The following MDFIC2 variants were observed in gnomAD, a reference collection of about 807,000 sequenced individuals.
The protein encoded by MDFIC2 is myoD family inhibitor domain-containing protein 2.
chr3:70,257,940 A>G (rs1230634995), intron 2 of MDFIC2, among the ~76,000 whole-genome samples: 3 of 152,230 alleles, frequency 2.0e-5, no homozygotes, highest in African/African-American at 7.2e-5. Flanking sequence ...ATATACATCA[A>G]TAAGACTCAA....
At chr3:70,267,466 G>T (rs1304435304) in intron 2 of MDFIC2, among the ~76,000 whole-genome samples, 2 of 127,482 alleles carry the variant, frequency 1.6e-5, no homozygotes, top group Non-Finnish European at 3.1e-5. Context: ...GCAGTGGCGC[G>T]ATCTCCGCTC....
At chr3:70,311,861 G>T in intron 2 of MDFIC2, 25 bp downstream of exon 2, 1 of 397,342 alleles carries the variant, frequency 2.5e-6, no homozygotes, top group South Asian at 1.3e-4. Context: ...CACACCAATA[G>T]AAAATCAAGA....
At chr3:70,236,110 C>T (rs1411860161) in intron 2 of MDFIC2, among the ~76,000 whole-genome samples, 1 of 152,188 alleles carries the variant, frequency 6.6e-6, no homozygotes, top group Non-Finnish European at 1.5e-5. Context: ...CCCTTGCTAA[C>T]CTAACTTATT....
At chr3:70,208,840 T>C (rs1166059707) in intron 2 of MDFIC2, among the ~76,000 whole-genome samples, 1 of 152,142 alleles carries the variant, frequency 6.6e-6, no homozygotes. Context: ...TCAACAGTGT[T>C]TAATTTCTAT....
chr3:70,301,963 A>G (rs759819958), intron 2 of MDFIC2, among the ~76,000 whole-genome samples: 2 of 152,116 alleles, frequency 1.3e-5, no homozygotes, highest in Non-Finnish European at 2.9e-5. Context: ...ATCATGAAGC[A>G]CTTTTCTTTA....
At chr3:70,208,678 C>T (rs1701313277) in intron 2 of MDFIC2, among the ~76,000 whole-genome samples, 1 of 151,970 alleles carries the variant, frequency 6.6e-6, no homozygotes, top group Non-Finnish European at 1.5e-5. Context: ...GAGAACAGCC[C>T]ACTGACTTGT....
At position 70,247,002 on chromosome 3, in the gene MDFIC2, T is replaced by C. The variant is rs184383053; in HGVS notation, c.89-40212A>G. On this transcript the variant is annotated intron_variant, in intron 2 of 3. Coordinates refer to ENST00000567252, the MANE Select transcript of MDFIC2 (RefSeq NM_001364677.1). ...GCTCAGGGCATATCATAATAATCAG[T>C]GAGTGGTCGCCTATCTGTTTCCATG... Among the ~76,000 whole-genome samples, 399 of 152,176 alleles carry C rather than the reference T, an allele frequency of 2.6e-3. 1 individual carries two copies. The highest frequency in any genetic ancestry group is 0.014 in the Middle Eastern group (4 of 294).
intron 2 of MDFIC2, among the ~76,000 whole-genome samples, chr3:70,249,434 C>T (rs964267497): frequency 2.6e-5 from 4 of 152,136 alleles, no homozygotes; most frequent in Non-Finnish European, 4.4e-5. Flanking sequence ...ACTACCATTG[C>T]TGTGACCTCT....
rs1701156772 is a variant in MDFIC2 at position 70,194,548 on chromosome 3, C to A, written c.*2378G>T. On this transcript the variant is annotated 3_prime_UTR_variant, in exon 4 of 4. Coordinates refer to ENST00000567252, the MANE Select transcript of MDFIC2 (RefSeq NM_001364677.1). ...GAAATTTCACACTTTGTATAACCGA[C>A]CCTTTCTGTTATAGCACAGTGAATT... Among the ~76,000 whole-genome samples the A allele has an allele frequency of 6.6e-6, 1 of 152,138 alleles. No individual in the cohort carries two copies. The highest frequency in any genetic ancestry group is 2.1e-4 in the South Asian group (1 of 4,826).
chr3:70,305,629 A>G (rs779514198), intron 2 of MDFIC2, among the ~76,000 whole-genome samples: 3 of 152,188 alleles, frequency 2.0e-5, no homozygotes, highest in Non-Finnish European at 4.4e-5. Flanking sequence ...TCTGCGTTCA[A>G]GAGGAGCCAC....
chr3:70,246,026 A>G (rs996390141), intron 2 of MDFIC2, among the ~76,000 whole-genome samples: 5 of 151,668 alleles, frequency 3.3e-5, no homozygotes, highest in African/African-American at 1.2e-4. Context: ...TGCATTGTTA[A>G]ATATATATAT....
At chr3:70,270,221 C>T (rs1160421947) in intron 2 of MDFIC2, among the ~76,000 whole-genome samples, 1 of 152,078 alleles carries the variant, frequency 6.6e-6, no homozygotes, top group African/African-American at 2.4e-5. Context: ...TCTCAATGAC[C>T]AGTTGGTTTT....
intron 2 of MDFIC2, among the ~76,000 whole-genome samples, chr3:70,216,524 C>G (rs1701413981): frequency 6.6e-6 from 1 of 152,022 alleles, no homozygotes; most frequent in African/African-American, 2.4e-5. Flanking sequence ...AGTGATGGAG[C>G]TAGAATTTTA....
chr3:70,308,528 G>C (rs1702424678), intron 2 of MDFIC2, among the ~76,000 whole-genome samples: 1 of 152,036 alleles, frequency 6.6e-6, no homozygotes, highest in South Asian at 2.1e-4. Context: ...AGATCTCTTT[G>C]ACACCACCAC....
At chr3:70,243,059 G>A (rs1298607591) in intron 2 of MDFIC2, among the ~76,000 whole-genome samples, 1 of 152,174 alleles carries the variant, frequency 6.6e-6, no homozygotes, top group Non-Finnish European at 1.5e-5. Context: ...CTTTTTAGGA[G>A]TTCTAATTGT....
intron 2 of MDFIC2, among the ~76,000 whole-genome samples, chr3:70,271,239 C>T (rs1345103422): frequency 3.3e-5 from 5 of 151,960 alleles, no homozygotes; most frequent in African/African-American, 7.2e-5. Flanking sequence ...CCTTAGGGTT[C>T]GCAAACTCAA....
intron 2 of MDFIC2, among the ~76,000 whole-genome samples, chr3:70,271,097 G>A (rs1465318462): frequency 6.6e-6 from 1 of 152,088 alleles, no homozygotes; most frequent in Non-Finnish European, 1.5e-5. Context: ...ATTTATCGAA[G>A]CTGGGAAGTT....
chr3:70,217,072 T>G (rs1701419051), intron 2 of MDFIC2, among the ~76,000 whole-genome samples: 1 of 152,140 alleles, frequency 6.6e-6, no homozygotes, highest in Admixed American at 6.6e-5. Context: ...AATATTTTAT[T>G]TGTTTACTTG....
At chr3:70,255,454 G>A (rs1257932538) in intron 2 of MDFIC2, among the ~76,000 whole-genome samples, 5 of 152,128 alleles carry the variant, frequency 3.3e-5, no homozygotes, top group African/African-American at 9.7e-5. Context: ...TTTAGAGACA[G>A]AATCTTGCTC....
Sources: gnomAD v4.1 joint callset for allele counts (sites outside exome capture counted in the v4.1 genomes callset) on GRCh38, gnomAD v4.1.1 for gene constraint, MANE v1.5 for transcripts, NCBI Gene and HGNC (gene_info 2026-07-23, HGNC 2026-07-21) for gene names.